RPS6KC1: variants seen among roughly 807,000 people sequenced by gnomAD.
The protein encoded by RPS6KC1 is inactive ribosomal protein S6 kinase delta-1.
A neutral mutation model predicts 103.8 loss-of-function variants in RPS6KC1; 54 were observed. That is an observed-to-expected ratio of 0.52 (90% CI 0.42 to 0.65). RPS6KC1 has a LOEUF of 0.65. RPS6KC1 is among the 30% of genes least tolerant of loss of function. The pLI, the probability that RPS6KC1 is intolerant of heterozygous loss-of-function variation, is 0.00. For missense variants in RPS6KC1, 1,151 were observed against 1,253.8 expected, an observed-to-expected ratio of 0.92 and a Z score of 1.24; for synonymous variants, 439 against 438.7, an observed-to-expected ratio of 1.00 and a Z score of -0.01.
At chr1:213,607,611 G>A in the RPS6KC1 span, among the ~76,000 whole-genome samples, 1 of 151,784 alleles carries the variant, frequency 6.6e-6, no homozygotes, top group East Asian at 1.9e-4. Flanking sequence ...AGGCCAGAGG[G>A]AGCACATGGC....
the RPS6KC1 span, among the ~76,000 whole-genome samples, chr1:213,845,602 G>A: frequency 1.3e-5 from 2 of 152,048 alleles, no homozygotes; most frequent in Non-Finnish European, 2.9e-5. Flanking sequence ...ACATTTTGGG[G>A]GCACCTATTA....
the RPS6KC1 span, among the ~76,000 whole-genome samples, chr1:213,851,282 T>A: frequency 1.3e-5 from 2 of 152,204 alleles, no homozygotes; most frequent in Non-Finnish European, 2.9e-5. Flanking sequence ...CATTCCATCA[T>A]CTCTGTATCA....
chr1:213,622,589 C>T, the RPS6KC1 span, among the ~76,000 whole-genome samples: 1 of 152,154 alleles, frequency 6.6e-6, no homozygotes, highest in Non-Finnish European at 1.5e-5. Context: ...TCCTGAGCTG[C>T]CCTTTCCTTG....
the RPS6KC1 span, among the ~76,000 whole-genome samples, chr1:213,676,434 A>C: frequency 6.6e-6 from 1 of 152,202 alleles, no homozygotes; most frequent in African/African-American, 2.4e-5. Flanking sequence ...AATGGAGAAA[A>C]AAGAAAGAAA....
Position 213,058,115 on chromosome 1 carries a change from C to T in RPS6KC1, c.105+6606C>T, listed in dbSNP as rs2077508954. ...ATGGGGTCTTGCTGTGTTGCCAGGG[C>T]TGGAATGCAGTGCTTATTCGCAGGT... On this transcript the variant is annotated intron_variant, in intron 1 of 14. Transcript: ENST00000366960. Among the ~76,000 whole-genome samples, 6 of 126,086 alleles carry T rather than the reference C, an allele frequency of 4.8e-5. No individual in the cohort carries two copies. In the Admixed American group the frequency reaches 5.9e-4, roughly 12 times the overall value. The allele number at this position is 126,086 out of a possible 152,430, so 82.7% of individuals were successfully genotyped here.
At chr1:213,671,738 C>T in the RPS6KC1 span, among the ~76,000 whole-genome samples, 4 of 152,056 alleles carry the variant, frequency 2.6e-5, no homozygotes, top group East Asian at 1.9e-4. Flanking sequence ...GAGCAGAGAT[C>T]GTGCCACTGC....
At chr1:213,684,553 C>T in the RPS6KC1 span, among the ~76,000 whole-genome samples, 1 of 152,170 alleles carries the variant, frequency 6.6e-6, no homozygotes, top group African/African-American at 2.4e-5. Context: ...TACACTACTC[C>T]AATTTTCCCT....
chr1:213,650,274 G>A, the RPS6KC1 span, among the ~76,000 whole-genome samples: 1 of 152,208 alleles, frequency 6.6e-6, no homozygotes, highest in East Asian at 1.9e-4. Flanking sequence ...ACACACTTAT[G>A]TGTTATCAAT....
chr1:213,232,263 T>G lies in RPS6KC1; in HGVS notation c.1225+8T>G, dbSNP rs187492406. 623 of 1,613,870 alleles carry G rather than the reference T, an allele frequency of 3.9e-4. 7 individuals are homozygous for G. In the East Asian group the frequency reaches 0.01, roughly 27 times the overall value. ...TGCTGCAGCATGCGGAAGGTTGGTTTGTAGTTTGGATTGTTTATGCAGTGA... is the reference window on the plus strand; with the variant it reads ...TGCTGCAGCATGCGGAAGGTTGGTTGGTAGTTTGGATTGTTTATGCAGTGA... On this transcript the variant is annotated splice_region_variant and intron_variant, in intron 10 of 14. Transcript: ENST00000366960.
At chr1:213,055,995 T>A (rs11120082) in intron 1 of RPS6KC1, among the ~76,000 whole-genome samples, 1 of 151,898 alleles carries the variant, frequency 6.6e-6, no homozygotes, top group Non-Finnish European at 1.5e-5. Context: ...GGTTGAACTC[T>A]TGGGTTCAAG....
At chr1:213,584,819 G>T in the RPS6KC1 span, among the ~76,000 whole-genome samples, 12 of 152,096 alleles carry the variant, frequency 7.9e-5, no homozygotes, top group African/African-American at 2.7e-4. Flanking sequence ...TTGGGAGGTG[G>T]GTCCCCCAGA....
At chr1:213,286,236 CAG>C in the RPS6KC1 span, among the ~76,000 whole-genome samples, 1 of 152,182 alleles carries the variant, frequency 6.6e-6, no homozygotes, top group Non-Finnish European at 1.5e-5. Context: ...CCCTTAGAAA[CAG>C]TGTCCAACTT....
the RPS6KC1 span, among the ~76,000 whole-genome samples, chr1:213,383,226 C>T: frequency 2.6e-5 from 4 of 152,148 alleles, no homozygotes; most frequent in African/African-American, 4.8e-5. Context: ...GGTTCACTGT[C>T]GATGGAATGT....
At chr1:213,119,518 G>A (rs1216409605) in intron 5 of RPS6KC1, among the ~76,000 whole-genome samples, 3 of 132,662 alleles carry the variant, frequency 2.3e-5, no homozygotes, top group African/African-American at 5.9e-5. Context: ...TCAATGAGGA[G>A]TGCAATAGTC....
the RPS6KC1 span, among the ~76,000 whole-genome samples, chr1:213,615,685 C>T: frequency 6.6e-6 from 1 of 152,248 alleles, no homozygotes. Context: ...ACAGAACGCG[C>T]CATCTGGGGG....
At chr1:213,080,790 C>A (rs966713146) in intron 3 of RPS6KC1, among the ~76,000 whole-genome samples, 23 of 152,192 alleles carry the variant, frequency 1.5e-4, no homozygotes, top group African/African-American at 5.3e-4. Flanking sequence ...GTCTTTAACA[C>A]CTGTGCTCAG....
chr1:213,278,072 G>C (rs1304563508), downstream of RPS6KC1, among the ~76,000 whole-genome samples: 2 of 152,006 alleles, frequency 1.3e-5, no homozygotes, highest in East Asian at 1.9e-4. Flanking sequence ...GGGCACGGTG[G>C]CACGAACCTA....
chr1:213,230,690 C>G, intron 9 of RPS6KC1, 146 bp downstream of exon 9: 1 of 458,132 alleles, frequency 2.2e-6, no homozygotes, highest in Non-Finnish European at 3.8e-6. Context: ...CAAAAATTAG[C>G]CGGGTATAAT....
intron 6 of RPS6KC1, among the ~76,000 whole-genome samples, chr1:213,152,048 C>A (rs538176193): frequency 3.5e-5 from 5 of 140,980 alleles, no homozygotes; most frequent in African/African-American, 1.1e-4. Context: ...GCTGGCCGGG[C>A]GGGGGGCTAA....
Sources: allele counts gnomAD v4.1 joint callset (sites outside exome capture counted in the v4.1 genomes callset), GRCh38; gene constraint gnomAD v4.1.1; transcripts MANE v1.5; gene names NCBI Gene and HGNC (gene_info 2026-07-23, HGNC 2026-07-21).